Variants in POU6F2 observed in about 807,000 individuals in gnomAD.
POU6F2 encodes the protein POU class 6 homeobox 2.
POU6F2 carries 31 observed loss-of-function variants against 71.3 expected under a neutral mutation model. That is an observed-to-expected ratio of 0.43 (90% CI 0.33 to 0.59). The LOEUF (loss-of-function observed/expected upper bound fraction) is 0.59. POU6F2 is among the 20% of genes least tolerant of loss of function. The pLI is 0.04. For missense variants in POU6F2, 783 were observed against 856.8 expected, an observed-to-expected ratio of 0.91 and a Z score of 1.07; for synonymous variants, 347 against 355.7, an observed-to-expected ratio of 0.98 and a Z score of 0.27.
chr7:38,980,289 A>C (rs1486555092), intron 1 of POU6F2, among the ~76,000 whole-genome samples: 2 of 152,228 alleles, frequency 1.3e-5, no homozygotes, highest in East Asian at 3.8e-4. Flanking sequence ...TAAAATGTAC[A>C]AACTAGAATG....
intron 1 of POU6F2, among the ~76,000 whole-genome samples, chr7:39,007,662 G>A (rs1398091464): frequency 1.3e-5 from 2 of 152,084 alleles, no homozygotes; most frequent in Non-Finnish European, 2.9e-5. Context: ...ATACCCCAAT[G>A]CTATCCCTCC....
rs73126427 is a variant in POU6F2, at chr7:39,215,483, G to A, written c.598+7863G>A. Among the ~76,000 whole-genome samples the A allele has an allele frequency of 3.5e-3, 535 of 152,302 alleles. 1 individual carries two copies. Among genetic ancestry groups the A allele is most frequent in the Non-Finnish European group, 5.5e-3 (372 of 68,026 alleles). On this transcript the variant is annotated intron_variant, in intron 4 of 9. Transcript: ENST00000518318. Reference sequence around the variant, plus strand: ...TCGAGTTATATAGTTTTAATTATCTGACAGTAAAAGACCACACCAGTTTGA... The same window carrying A: ...TCGAGTTATATAGTTTTAATTATCTAACAGTAAAAGACCACACCAGTTTGA...
intron 2 of POU6F2, among the ~76,000 whole-genome samples, chr7:39,154,324 C>T (rs976432781): frequency 6.6e-6 from 1 of 152,102 alleles, no homozygotes; most frequent in East Asian, 1.9e-4. Context: ...TGCTTTAGGA[C>T]CCCGGTATAT....
At chr7:39,374,822 G>C (rs1382342373) in intron 5 of POU6F2, among the ~76,000 whole-genome samples, 3 of 152,192 alleles carry the variant, frequency 2.0e-5, no homozygotes, top group Non-Finnish European at 4.4e-5. Flanking sequence ...ACATTTTCAG[G>C]TGGCAGTCAG....
intron 5 of POU6F2, among the ~76,000 whole-genome samples, chr7:39,401,680 G>A (rs1787306398): frequency 6.6e-6 from 1 of 152,148 alleles, no homozygotes; most frequent in South Asian, 2.1e-4. Context: ...CTGTTTCTAG[G>A]CATCCACGGC....
intron 4 of POU6F2, among the ~76,000 whole-genome samples, chr7:39,306,636 C>T (rs947711811): frequency 6.6e-6 from 1 of 152,188 alleles, no homozygotes; most frequent in African/African-American, 2.4e-5. Flanking sequence ...GGTCTAGTCT[C>T]ACTTTTGGGG....
intron 2 of POU6F2, among the ~76,000 whole-genome samples, chr7:39,185,584 A>AT (rs1423030097): frequency 2.6e-5 from 4 of 152,048 alleles, no homozygotes; most frequent in African/African-American, 9.7e-5. Flanking sequence ...GTAGGGGAAT[A>AT]TTCTAGTGCT....
chr7:39,046,622 G>A (rs1320216877), intron 1 of POU6F2, among the ~76,000 whole-genome samples: 1 of 151,894 alleles, frequency 6.6e-6, no homozygotes, highest in Non-Finnish European at 1.5e-5. Context: ...TGTTGAGCCA[G>A]ATAATTCTTT....
intron 4 of POU6F2, among the ~76,000 whole-genome samples, chr7:39,319,005 G>C (rs1423445498): frequency 6.6e-6 from 1 of 152,120 alleles, no homozygotes; most frequent in Non-Finnish European, 1.5e-5. Context: ...AGTTGGATGT[G>C]GTGGTGCATG....
At chr7:39,251,437 G>C (rs1783913097) in intron 4 of POU6F2, among the ~76,000 whole-genome samples, 1 of 152,138 alleles carries the variant, frequency 6.6e-6, no homozygotes. Flanking sequence ...AGAAGAGCTG[G>C]GTCTCCAGGC....
chr7:39,183,645 C>A (rs547633578), intron 2 of POU6F2, among the ~76,000 whole-genome samples: 1 of 152,256 alleles, frequency 6.6e-6, no homozygotes, highest in South Asian at 2.1e-4. Context: ...AGATCACCAC[C>A]CTCTTTGGTC....
chr7:39,300,254 G>A (rs1186456262), intron 4 of POU6F2, among the ~76,000 whole-genome samples: 1 of 152,182 alleles, frequency 6.6e-6, no homozygotes, highest in Admixed American at 6.5e-5. Flanking sequence ...TAAATAACTA[G>A]AACTAAAGTG....
chr7:39,071,273 G>C (rs1386064395), intron 1 of POU6F2, among the ~76,000 whole-genome samples: 2 of 151,920 alleles, frequency 1.3e-5, no homozygotes, highest in Admixed American at 1.3e-4. Flanking sequence ...AGTTCAAATA[G>C]GGTTTGTGCT....
intron 2 of POU6F2, among the ~76,000 whole-genome samples, chr7:39,161,894 T>C (rs1220744459): frequency 2.6e-5 from 4 of 152,228 alleles, no homozygotes; most frequent in Non-Finnish European, 5.9e-5. Flanking sequence ...GTCGTCATCT[T>C]ACGTGGTATA....
chr7:39,054,832 C>G (rs1041677050), intron 1 of POU6F2, among the ~76,000 whole-genome samples: 1 of 150,610 alleles, frequency 6.6e-6, no homozygotes, highest in East Asian at 1.9e-4. Context: ...GTCTCACACA[C>G]TTATTCAATG....
At chr7:39,074,661 A>G (rs1194655121) in intron 1 of POU6F2, among the ~76,000 whole-genome samples, 4 of 152,100 alleles carry the variant, frequency 2.6e-5, no homozygotes, top group African/African-American at 9.7e-5. Context: ...CCTTTTTAGC[A>G]GTGGTTTCTT....
At chr7:39,161,205 C>G (rs1423604057) in intron 2 of POU6F2, among the ~76,000 whole-genome samples, 2 of 152,180 alleles carry the variant, frequency 1.3e-5, no homozygotes, top group East Asian at 1.9e-4. Flanking sequence ...CTCCTGTTTG[C>G]CTTTTCTTTC....
At position 39,153,858 on chromosome 7, in the gene POU6F2, G is replaced by A. The variant is rs932448965; in HGVS notation, c.278-50377G>A. Among the ~76,000 whole-genome samples the A allele has an allele frequency of 2.6e-5, 4 of 152,206 alleles. 1 individual carries two copies. The highest frequency in any genetic ancestry group is 3.9e-4 in the East Asian group (2 of 5,172). ...AGGGGACGCACTTGGAAAAACAGCCGGGTTGCTGGGAGGGTGAGAGATCAG... is the reference window on the plus strand; with the variant it reads ...AGGGGACGCACTTGGAAAAACAGCCAGGTTGCTGGGAGGGTGAGAGATCAG... On this transcript the variant is annotated intron_variant, in intron 2 of 9. Coordinates refer to ENST00000518318, the MANE Select transcript of POU6F2 (RefSeq NM_001370959.1).
chr7:39,299,776 A>G (rs1784920267), intron 4 of POU6F2, among the ~76,000 whole-genome samples: 1 of 152,152 alleles, frequency 6.6e-6, no homozygotes, highest in Non-Finnish European at 1.5e-5. Flanking sequence ...GCCTTTGCTG[A>G]TGTCAAGGTC....
Sources: gnomAD v4.1 joint callset for allele counts (sites outside exome capture counted in the v4.1 genomes callset) on GRCh38, gnomAD v4.1.1 for gene constraint, MANE v1.5 for transcripts, NCBI Gene and HGNC (gene_info 2026-07-23, HGNC 2026-07-21) for gene names.